MGAT4C: variants seen among roughly 807,000 people sequenced by gnomAD.
The protein encoded by MGAT4C is MGAT4 family member C.
Under a neutral mutation model 40.1 loss-of-function variants are expected in MGAT4C, and 19 were observed. That is an observed-to-expected ratio of 0.47 (90% confidence interval 0.33 to 0.70). The LOEUF is 0.70. Ranked by LOEUF, MGAT4C falls within the 30% of genes least tolerant of loss-of-function variation. MGAT4C has a pLI of 0.02. For missense variants in MGAT4C, 491 were observed against 563.2 expected (o/e 0.87, Z 1.30); for synonymous variants, 181 against 187.1 (o/e 0.97, Z 0.27).
At chr12:86,011,383 G>T (rs1031424848) in intron 2 of MGAT4C, among the ~76,000 whole-genome samples, 1 of 152,164 alleles carries the variant, frequency 6.6e-6, no homozygotes, top group Non-Finnish European at 1.5e-5. Context: ...CATTAGCAAA[G>T]ACAGAGAATA....
chr12:86,750,466 T>C (rs189619712), intron 1 of MGAT4C, among the ~76,000 whole-genome samples: 2 of 151,916 alleles, frequency 1.3e-5, no homozygotes, highest in East Asian at 3.9e-4. Flanking sequence ...CCAAGGCATT[T>C]GAGTGTGAGA....
intron 2 of MGAT4C, among the ~76,000 whole-genome samples, chr12:86,457,627 C>T (rs532158539): frequency 2.0e-5 from 3 of 152,060 alleles, no homozygotes; most frequent in African/African-American, 7.2e-5. Context: ...GAAATGTCAT[C>T]TTAGTTTTAA....
In MGAT4C at chr12:85,974,826, C is replaced by A. The variant is rs1883852266; in HGVS notation, c.*4463G>T. On this transcript the variant is annotated 3_prime_UTR_variant, in exon 5 of 5. Transcript: ENST00000611864. ...AACAATGAAACTCAAAGTAGACTAG[C>A]AGATAAGATACCTATTTCAAACATC... 6.7e-6 allele frequency: 1 copy of A among 150,206 alleles called. No homozygotes were observed. 9.3% of individuals were successfully genotyped at this position (150,206 alleles called of 1,614,324 possible). A position where few individuals can be genotyped will look rare whatever the true frequency, so the allele number is the denominator to read the frequency against.
At chr12:86,478,838 CTATTAA>C (rs1027305330) in intron 2 of MGAT4C, among the ~76,000 whole-genome samples, 169 of 152,118 alleles carry the variant, frequency 1.1e-3, no homozygotes, top group African/African-American at 3.5e-3. Flanking sequence ...ATCTATCCAA[CTATTAA>C]TATTAAGTAA....
intron 1 of MGAT4C, among the ~76,000 whole-genome samples, chr12:86,247,773 C>G (rs10506933): frequency 0.23 from 34,847 of 151,958 alleles, 4,188 homozygotes; most frequent in East Asian, 0.36. Flanking sequence ...CTGGAACACA[C>G]AGACCATCAT....
In MGAT4C at chr12:86,420,865, A is replaced by G. The variant is rs189505882; in HGVS notation, c.-120+14292T>C. ...CATATGTATATACATATATATGTGT[A>G]TATATATACATACATGTATATGTGT... On this transcript the variant is annotated intron_variant, in intron 3 of 7. Transcript: ENST00000548651. 0.02 allele frequency among the ~76,000 whole-genome samples: 2,917 copies of G among 146,202 alleles called. 208 individuals are homozygous for G. In the East Asian group the frequency reaches 0.23, roughly 12 times the overall value.
At chr12:86,580,608 T>G (rs1960743250) in intron 2 of MGAT4C, among the ~76,000 whole-genome samples, 1 of 151,518 alleles carries the variant, frequency 6.6e-6, no homozygotes, top group Non-Finnish European at 1.5e-5. Flanking sequence ...AAACTTAAAT[T>G]CATCCTTGCT....
intron 1 of MGAT4C, among the ~76,000 whole-genome samples, chr12:86,799,716 T>C (rs1952192382): frequency 6.6e-6 from 1 of 151,870 alleles, no homozygotes; most frequent in Admixed American, 6.6e-5. Context: ...TTCCTTTCCT[T>C]TTCTCTTACT....
intron 3 of MGAT4C, among the ~76,000 whole-genome samples, chr12:86,404,672 T>G (rs1454096504): frequency 5.9e-5 from 9 of 152,066 alleles, no homozygotes; most frequent in Admixed American, 2.0e-4. Flanking sequence ...TGGTGGTAAT[T>G]TATAACAGCA....
At chr12:86,294,130 T>TAAA (rs5799776) in intron 4 of MGAT4C, among the ~76,000 whole-genome samples, 1 of 149,326 alleles carries the variant, frequency 6.7e-6, no homozygotes, top group Non-Finnish European at 1.5e-5. Context: ...AAAACAATAT[T>TAAA]AAAAAAAAAA....
chr12:86,160,791 C>T (rs1317880313), intron 1 of MGAT4C, among the ~76,000 whole-genome samples: 1 of 152,056 alleles, frequency 6.6e-6, no homozygotes, highest in East Asian at 1.9e-4. Flanking sequence ...ATACTTAAGG[C>T]TTCTTACTGA....
intron 1 of MGAT4C, among the ~76,000 whole-genome samples, chr12:86,115,230 G>C (rs1408148548): frequency 6.6e-6 from 1 of 151,932 alleles, no homozygotes; most frequent in African/African-American, 2.4e-5. Context: ...AGACAAAGCT[G>C]AGTATGACAA....
chr12:86,817,018 C>T (rs1952619330), intron 1 of MGAT4C, among the ~76,000 whole-genome samples: 1 of 150,356 alleles, frequency 6.7e-6, no homozygotes, highest in African/African-American at 2.4e-5. Context: ...TATTCTTATG[C>T]CCCTTTTTTT....
rs564844853 is a variant in MGAT4C at position 86,615,507 on chromosome 12, C to T, written c.-229+111702G>A. Among the ~76,000 whole-genome samples, 20 of 152,070 alleles carry T rather than the reference C, an allele frequency of 1.3e-4. No homozygotes were observed. The South Asian group carries it at 4.1e-3, about 32-fold the overall frequency. Reference sequence around the variant, plus strand: ...CAATTGCTCATTTTCTACCAAGTTTCCCAAGAAATCTAGCCTCATATTTTG... The same window carrying T: ...CAATTGCTCATTTTCTACCAAGTTTTCCAAGAAATCTAGCCTCATATTTTG... On this transcript the variant is annotated intron_variant, in intron 2 of 7. Coordinates refer to the MGAT4C transcript ENST00000548651.
intron 2 of MGAT4C, among the ~76,000 whole-genome samples, chr12:86,601,921 ACC>A (rs1961797731): frequency 6.6e-6 from 1 of 150,800 alleles, no homozygotes. Context: ...ATGCTGTAAT[ACC>A]CTCTTTGGGG....
chr12:86,425,034 C>A (rs1486530775), intron 3 of MGAT4C, among the ~76,000 whole-genome samples: 1 of 152,084 alleles, frequency 6.6e-6, no homozygotes, highest in Non-Finnish European at 1.5e-5. Flanking sequence ...GTGATAACAG[C>A]CGTGAGTCAC....
chr12:86,476,428 CAG>C (rs1168396796), intron 2 of MGAT4C, among the ~76,000 whole-genome samples: 1 of 151,868 alleles, frequency 6.6e-6, no homozygotes, highest in East Asian at 1.9e-4. Flanking sequence ...TAAAAAATAA[CAG>C]ATGCTGGTGA....
At chr12:86,248,208 TTCC>T in intron 1 of MGAT4C, among the ~76,000 whole-genome samples, 1 of 135,840 alleles carries the variant, frequency 7.4e-6, no homozygotes, top group Non-Finnish European at 1.6e-5. Flanking sequence ...CCTTCCTTCC[TTCC>T]TTCCTTCCTT....
chr12:86,096,397 C>T (rs1873918311), intron 1 of MGAT4C, among the ~76,000 whole-genome samples: 1 of 148,846 alleles, frequency 6.7e-6, no homozygotes, highest in South Asian at 2.1e-4. Flanking sequence ...CTTGAATTAA[C>T]TCCTCCCCTC....
Sources: gnomAD v4.1 joint callset for allele counts (sites outside exome capture counted in the v4.1 genomes callset) on GRCh38, gnomAD v4.1.1 for gene constraint, MANE v1.5 for transcripts, NCBI Gene and HGNC (gene_info 2026-07-23, HGNC 2026-07-21) for gene names.